DYNC2H1: variants seen among roughly 807,000 people sequenced by gnomAD.
DYNC2H1 encodes the protein dynein cytoplasmic 2 heavy chain 1.
In DYNC2H1, 410 loss-of-function variants were observed where a neutral mutation model predicts 570.0. The ratio of observed to expected loss-of-function variants is 0.72; its 90% confidence interval spans 0.66 to 0.78. DYNC2H1 has a LOEUF of 0.78. Ranked by LOEUF, DYNC2H1 falls within the 30% of genes least tolerant of loss-of-function variation. The probability of loss-of-function intolerance (pLI) is 0.00; values close to 1 mark genes in which losing one functional copy is unlikely to be tolerated. For missense variants in DYNC2H1, 4,865 were observed against 5,046.4 expected, an observed-to-expected ratio of 0.96 and a Z score of 1.09; for synonymous variants, 1,688 against 1,677.6, an observed-to-expected ratio of 1.01 and a Z score of -0.15.
chr11:103,433,407 AATTGCCCT>A (rs1943962907), intron 84 of DYNC2H1, among the ~76,000 whole-genome samples: 3 of 152,112 alleles, frequency 2.0e-5, no homozygotes, highest in African/African-American at 7.2e-5. Flanking sequence ...ATGAATAATA[AATTGCCCT>A]AAGTCTTAGT....
In DYNC2H1 at chr11:103,163,187, C is replaced by T. The variant is rs11820913; in HGVS notation, c.4611+40C>T. 3.4e-3 allele frequency: 5,239 copies of T among 1,552,694 alleles called. 134 individuals are homozygous for T. In the African/African-American group the frequency reaches 0.056, roughly 17 times the overall value. ...GTGTAGAAGCTACATAGGCATGGAA[C>T]GTGGAAAGATCCCTGACCTAGAAGC... On this transcript the variant is annotated intron_variant, in intron 30 of 88. Coordinates refer to ENST00000375735, the MANE Select transcript of DYNC2H1 (RefSeq NM_001377.3). The surrounding 1 kb of genome is among the most constrained non-coding windows in gnomAD (Gnocchi z 4.6).
At chr11:103,323,024 C>T (rs1938292900) in intron 81 of DYNC2H1, among the ~76,000 whole-genome samples, 1 of 152,152 alleles carries the variant, frequency 6.6e-6, no homozygotes, top group Non-Finnish European at 1.5e-5. Flanking sequence ...CCAACTGTCT[C>T]CTTGGAAATA....
intron 85 of DYNC2H1, among the ~76,000 whole-genome samples, chr11:103,437,353 G>C (rs1944101266): frequency 6.6e-6 from 1 of 151,988 alleles, no homozygotes; most frequent in Admixed American, 6.6e-5. Flanking sequence ...CCTCCTCCAG[G>C]GGGTCTTCCC....
intron 82 of DYNC2H1, among the ~76,000 whole-genome samples, chr11:103,340,451 T>C (rs1311018386): frequency 6.6e-6 from 1 of 152,236 alleles, no homozygotes; most frequent in Non-Finnish European, 1.5e-5. Flanking sequence ...GCCTTATCTT[T>C]AGCTTCTATC....
chr11:103,212,801 A>C (rs1012932941), intron 54 of DYNC2H1, among the ~76,000 whole-genome samples: 2 of 152,090 alleles, frequency 1.3e-5, no homozygotes, highest in Non-Finnish European at 2.9e-5. Context: ...GGTACTAACT[A>C]TACGGGCTTT....
chr11:103,187,622 G>A, intron 43 of DYNC2H1, 36 bp downstream of exon 43: 1 of 1,589,132 alleles, frequency 6.3e-7, no homozygotes, highest in African/African-American at 1.4e-5. Context: ...TAATCTAATT[G>A]GAAACAATTT....
rs683629 is a variant in DYNC2H1, at chr11:103,220,243, A to T, written c.8946+215A>T. Reference sequence around the variant, plus strand: ...AATTAAAAATAATCTTTGTTTTCCAAGAGCCATATGGTTTTGATTGCAGAG... The same window carrying T: ...AATTAAAAATAATCTTTGTTTTCCATGAGCCATATGGTTTTGATTGCAGAG... On this transcript the variant is annotated intron_variant, in intron 56 of 88. Transcript: ENST00000375735. Among the ~76,000 whole-genome samples the T allele has an allele frequency of 0.93, 141,999 of 152,286 alleles. 66,237 individuals are homozygous for T. The highest frequency in any genetic ancestry group is 0.94 in the African/African-American group (39,141 of 41,568).
intron 39 of DYNC2H1, 21 bp downstream of exon 39, chr11:103,179,254 A>G: frequency 6.2e-7 from 1 of 1,604,716 alleles, no homozygotes; most frequent in East Asian, 2.2e-5. Context: ...GATTATTTAT[A>G]TACAGTATAT....
intron 17 of DYNC2H1, among the ~76,000 whole-genome samples, chr11:103,140,309 A>G (rs542769716): frequency 1.3e-4 from 20 of 152,178 alleles, no homozygotes; most frequent in African/African-American, 4.1e-4. Flanking sequence ...CCTAGGCTCG[A>G]TGGTCTTTAC....
At position 103,109,596 on chromosome 11, in the gene DYNC2H1, G is replaced by T. The variant is rs943245485; in HGVS notation, c.22G>T (p.Val8Phe). Residue 8 changes from valine to phenylalanine, a missense_variant, in exon 1 of 89, where the codon GTT becomes TTT. Val to Phe is a conservative substitution (Grantham distance 50). This residue lies in a region of DYNC2H1 where 1,936 missense variants were observed against 1,962.1 expected (regional missense o/e 0.99). Coordinates refer to ENST00000375735, the MANE Select transcript of DYNC2H1 (RefSeq NM_001377.3). MANGTAD[V>F]RKLFIFTTTQ... ...AATCATGGCGAACGGGACTGCGGAC[G>T]TTCGGAAGCTCTTCATCTTCACTAC... is the stretch of plus-strand genomic sequence containing the variant. The T allele has an allele frequency of 6.2e-7, 1 of 1,613,760 alleles. No individual in the cohort carries two copies. The highest frequency in any genetic ancestry group is 8.5e-7 in the Non-Finnish European group (1 of 1,179,822).
chr11:103,452,584 T>G (rs1012109452), intron 85 of DYNC2H1, among the ~76,000 whole-genome samples: 1 of 151,610 alleles, frequency 6.6e-6, no homozygotes, highest in Non-Finnish European at 1.5e-5. Flanking sequence ...GTATGTGTTC[T>G]GAACTCTCGC....
chr11:103,458,780 G>A (rs1591788785), intron 87 of DYNC2H1, among the ~76,000 whole-genome samples: 1 of 151,876 alleles, frequency 6.6e-6, no homozygotes, highest in Non-Finnish European at 1.5e-5. Flanking sequence ...ACCTTTTTTT[G>A]TATCACTAGC....
chr11:103,388,018 G>A (rs1941965198), intron 83 of DYNC2H1, among the ~76,000 whole-genome samples: 1 of 152,042 alleles, frequency 6.6e-6, no homozygotes, highest in African/African-American at 2.4e-5. Context: ...CTTTAAAGTA[G>A]TTTTTTTCCA....
In DYNC2H1 at chr11:103,324,381, A is replaced by T. The variant is rs1938363400; in HGVS notation, c.12039+391A>T. On this transcript the variant is annotated intron_variant, in intron 82 of 88. Coordinates refer to ENST00000375735, the MANE Select transcript of DYNC2H1 (RefSeq NM_001377.3). The surrounding 1 kb of genome is among the most constrained non-coding windows in gnomAD (Gnocchi z 5.2). ...GTTGTTCCCTTCTTTGTATCCATGTATACTCAGTGTTTAGATCTCACCTAT... is the reference window on the plus strand; with the variant it reads ...GTTGTTCCCTTCTTTGTATCCATGTTTACTCAGTGTTTAGATCTCACCTAT... 6.6e-6 allele frequency among the ~76,000 whole-genome samples: 1 copy of T among 152,030 alleles called. No individual in the cohort carries two copies. The highest frequency in any genetic ancestry group is 1.5e-5 in the Non-Finnish European group (1 of 67,988).
chr11:103,202,092 G>T (rs1180956600), intron 50 of DYNC2H1, among the ~76,000 whole-genome samples: 1 of 152,114 alleles, frequency 6.6e-6, no homozygotes, highest in Non-Finnish European at 1.5e-5. Context: ...GAGAAATACA[G>T]ACCAGGATGC....
At position 103,303,102 on chromosome 11, in the gene DYNC2H1, A is replaced by G. The variant is rs989160159; in HGVS notation, c.11105A>G (p.Glu3702Gly). Residue 3702 changes from glutamate to glycine, a missense_variant, in exon 76 of 89, where the codon GAG (glutamate) becomes GGG (glycine). Around this residue, in one of 5 missense-constraint regions of DYNC2H1, gnomAD observed 2,401 missense variants for 2,454.6 expected, o/e 0.98. Transcript: ENST00000375735. ...AAAATATATATTTTAGGACTGAAAG[A>G]GGTGTCCCCACTGCCTCTAAATCTC... ...LFACKTLGLK[E>G]VSPLPLNLKR... 6 of 1,552,360 alleles carry G rather than the reference A, an allele frequency of 3.9e-6. No individual in the cohort carries two copies. Among genetic ancestry groups the G allele is most frequent in the Non-Finnish European group, 5.2e-6 (6 of 1,149,508 alleles).
rs59067459 is a variant in DYNC2H1 at position 103,300,548 on chromosome 11, GC to G, written c.11096-2544del. 1.0e-3 allele frequency among the ~76,000 whole-genome samples: 158 copies of G among 152,040 alleles called. No individual in the cohort carries two copies. In the East Asian group the frequency reaches 0.014, roughly 14 times the overall value. Reference sequence around the variant, plus strand: ...TTGCTGGAGTTTTGTGGGCAGGATGGCTAACATATAATTCCAAGTAACATGA... The same window carrying G: ...TTGCTGGAGTTTTGTGGGCAGGATGGTAACATATAATTCCAAGTAACATGA... On this transcript the variant is annotated intron_variant, in intron 75 of 88. Coordinates refer to ENST00000375735, the MANE Select transcript of DYNC2H1 (RefSeq NM_001377.3).
rs1298629532 is a variant in DYNC2H1, at chr11:103,254,548, TG to T, written c.10207-864del. ...TCAATGGTTTTTTTAGTGGAATTGC[TG>T]GGTCTTATGGTTACTTTATATTTGG... On this transcript the variant is annotated intron_variant, in intron 66 of 88. Transcript: ENST00000375735. The surrounding 1 kb of genome is among the most constrained non-coding windows in gnomAD (Gnocchi z 4.9). Among the ~76,000 whole-genome samples the T allele has an allele frequency of 6.6e-6, 1 of 152,192 alleles. No individual in the cohort carries two copies. Among genetic ancestry groups the T allele is most frequent in the African/African-American group, 2.4e-5 (1 of 41,460 alleles).
chr11:103,184,754 T>A (rs939387770), intron 40 of DYNC2H1, 142 bp from the exon 41 acceptor site: 1 of 713,418 alleles, frequency 1.4e-6, no homozygotes, highest in East Asian at 2.8e-5. Context: ...TTGAATGAAA[T>A]CCAAACTTTC....
Sources: allele counts gnomAD v4.1 joint callset (sites outside exome capture counted in the v4.1 genomes callset), GRCh38; gene constraint gnomAD v4.1.1; regional missense constraint gnomAD v4.1.1; non-coding constraint Gnocchi (gnomAD v3.1); transcripts MANE v1.5; gene names NCBI Gene and HGNC (gene_info 2026-07-23, HGNC 2026-07-21).